TRRAP: variants seen among roughly 807,000 people sequenced by gnomAD.
TRRAP encodes the protein transformation/transcription domain-associated protein.
Under a neutral mutation model 438.8 loss-of-function variants are expected in TRRAP, and 41 were observed. The observed-to-expected ratio is 0.09, with a 90% confidence interval of 0.07 to 0.12. The LOEUF is 0.12. TRRAP is among the 10% of genes least tolerant of loss of function. The pLI is 1.00. For missense variants in TRRAP, 3,122 were observed against 5,055.1 expected, an observed-to-expected ratio of 0.62 and a Z score of 11.60; for synonymous variants, 1,994 against 1,962.9, an observed-to-expected ratio of 1.02 and a Z score of -0.42.
At chr7:98,905,351 A>G (rs1471044757) in intron 12 of TRRAP, among the ~76,000 whole-genome samples, 1 of 152,150 alleles carries the variant, frequency 6.6e-6, no homozygotes, top group Non-Finnish European at 1.5e-5. Context: ...TTTGACCCTC[A>G]ATAGCTACGA....
intron 6 of TRRAP, among the ~76,000 whole-genome samples, chr7:98,895,231 G>C (rs73711446): frequency 0.01 from 1,553 of 152,236 alleles, 28 homozygotes; most frequent in African/African-American, 0.035. Context: ...TGGGTACATA[G>C]TATTCTTTCT....
chr7:98,885,658 G>A (rs1293031746), intron 3 of TRRAP, among the ~76,000 whole-genome samples: 1 of 151,354 alleles, frequency 6.6e-6, no homozygotes, highest in Non-Finnish European at 1.5e-5. Flanking sequence ...GCTAAAACAA[G>A]CTGTTTAAAA....
intron 68 of TRRAP, among the ~76,000 whole-genome samples, 195 bp downstream of exon 68, chr7:99,004,610 G>A (rs376115246): frequency 1.3e-5 from 2 of 152,322 alleles, no homozygotes; most frequent in South Asian, 4.1e-4. Context: ...TAGCTGTCCT[G>A]AGTGCAGTCT....
intron 67 of TRRAP, among the ~76,000 whole-genome samples, chr7:99,000,621 T>C (rs987866589): frequency 6.6e-6 from 1 of 152,230 alleles, no homozygotes; most frequent in Non-Finnish European, 1.5e-5. Context: ...CCAGCCGGCG[T>C]CACTTGGGCA....
intron 30 of TRRAP, among the ~76,000 whole-genome samples, chr7:98,938,684 T>A (rs1554414867): frequency 1.3e-5 from 2 of 152,236 alleles, no homozygotes; most frequent in African/African-American, 4.8e-5. Context: ...ATAATTTATT[T>A]AACCATGGCC....
intron 63 of TRRAP, 135 bp from the exon 64 acceptor site, chr7:98,990,320 T>C: frequency 3.9e-6 from 3 of 775,132 alleles, no homozygotes; most frequent in Non-Finnish European, 6.0e-6. Context: ...GCAATAATGT[T>C]GGCCTGCTTA....
At chr7:98,988,585 G>C (rs551831067) in intron 62 of TRRAP, among the ~76,000 whole-genome samples, 180 bp from the exon 63 acceptor site, 1 of 152,318 alleles carries the variant, frequency 6.6e-6, no homozygotes, top group East Asian at 1.9e-4. Context: ...AAGGCAGACT[G>C]CAGGTTCCCA....
intron 67 of TRRAP, among the ~76,000 whole-genome samples, chr7:98,996,668 T>C (rs1793673638): frequency 6.6e-6 from 1 of 152,224 alleles, no homozygotes; most frequent in South Asian, 2.1e-4. Flanking sequence ...TTATACAAAA[T>C]GTCCTGAATG....
chr7:98,978,121 A>T (rs1396534413), intron 56 of TRRAP, 90 bp from the exon 57 acceptor site: 4 of 1,224,422 alleles, frequency 3.3e-6, no homozygotes, highest in Non-Finnish European at 4.7e-6. Flanking sequence ...ACCTCATCTC[A>T]AAAAACTTAG....
At chr7:98,905,854 A>C (rs755865527) in intron 12 of TRRAP, among the ~76,000 whole-genome samples, 84 of 152,196 alleles carry the variant, frequency 5.5e-4, no homozygotes, top group Non-Finnish European at 9.4e-4. Flanking sequence ...ACAATGTTTA[A>C]GGATGGTGGG....
rs116476433 is a variant in TRRAP, at chr7:98,923,249, T to G, written c.2823+1296T>G. Among the ~76,000 whole-genome samples, 897 of 151,762 alleles carry G rather than the reference T, an allele frequency of 5.9e-3. 13 individuals carry two copies. Among genetic ancestry groups the G allele is most frequent in the African/African-American group, 0.02 (830 of 41,444 alleles). On this transcript the variant is annotated intron_variant, in intron 21 of 72. Coordinates refer to ENST00000456197, the MANE Select transcript of TRRAP (RefSeq NM_001375524.1). ...TCCCCCCACCCCCAAAAAATTCCCT[T>G]TAGAAGTAGTTTTGCCCCAAAGCAG...
intron 19 of TRRAP, among the ~76,000 whole-genome samples, chr7:98,917,183 A>G (rs1361599403): frequency 2.0e-5 from 3 of 152,214 alleles, no homozygotes; most frequent in African/African-American, 4.8e-5. Context: ...ATATAGTACT[A>G]TGATTATAAT....
intron 4 of TRRAP, 91 bp downstream of exon 4, chr7:98,890,536 A>G (rs1380904207): frequency 2.2e-6 from 2 of 891,686 alleles, no homozygotes; most frequent in Non-Finnish European, 3.2e-6. Flanking sequence ...TTCCACTTAA[A>G]AACGAAAGAG....
In TRRAP at chr7:98,948,711, A is replaced by C. The variant is rs1335550757; in HGVS notation, c.4788+26A>C. 3 of 1,613,898 alleles carry C rather than the reference A, an allele frequency of 1.9e-6. No homozygotes were observed. Among genetic ancestry groups the C allele is most frequent in the African/African-American group, 1.3e-5 (1 of 74,940 alleles). ...GTAAGAGCTGTGAGCAGCTGGAGTC[A>C]GGGGTCCCTTCAAATGCTTGTGAGC... is the stretch of plus-strand genomic sequence containing the variant. On this transcript the variant is annotated intron_variant, in intron 35 of 72. Transcript: ENST00000456197. This position sits in a 1 kb window ranked among gnomAD's most constrained non-coding sequence, Gnocchi z 4.9.
In TRRAP at chr7:98,912,275, G is replaced by A. The variant is rs1423564341; in HGVS notation, c.2199+62G>A. 4.5e-6 allele frequency: 7 copies of A among 1,548,702 alleles called. No homozygotes were observed. The East Asian group carries it at 1.4e-4, about 30-fold the overall frequency. On this transcript the variant is annotated intron_variant, in intron 18 of 72. Transcript: ENST00000456197. Reference sequence around the variant, plus strand: ...GGGTTTTTTATTGTTGTTAGAGACAGGGCCTCACGGTGGTGTCCAGGCTGG... The same window carrying A: ...GGGTTTTTTATTGTTGTTAGAGACAAGGCCTCACGGTGGTGTCCAGGCTGG...
chr7:98,978,165 T>C, intron 56 of TRRAP, 46 bp from the exon 57 acceptor site: 1 of 1,474,420 alleles, frequency 6.8e-7, no homozygotes, highest in Non-Finnish European at 9.4e-7. Context: ...AAAGAAAAGG[T>C]GTGTTTCTAG....
chr7:98,975,934 G>A, intron 53 of TRRAP: 2 of 555,412 alleles, frequency 3.6e-6, no homozygotes, highest in South Asian at 3.0e-5. Flanking sequence ...AGCCTCTCGG[G>A]ATGCCTGGGC....
At chr7:98,980,030 TGTTCGA>T (rs1190818093) in intron 58 of TRRAP, among the ~76,000 whole-genome samples, 2 of 152,208 alleles carry the variant, frequency 1.3e-5, no homozygotes, top group Admixed American at 6.5e-5. Flanking sequence ...TCTCAACTAA[TGTTCGA>T]GTCCAGACCC....
At chr7:98,941,670 T>C (rs1222617096) in intron 30 of TRRAP, among the ~76,000 whole-genome samples, 1 of 152,214 alleles carries the variant, frequency 6.6e-6, no homozygotes, top group Non-Finnish European at 1.5e-5. Flanking sequence ...ATTTCTGTTC[T>C]GGTGATTAAT....
Sources: gnomAD v4.1 joint callset for allele counts (sites outside exome capture counted in the v4.1 genomes callset) on GRCh38, gnomAD v4.1.1 for gene constraint, Gnocchi (gnomAD v3.1) non-coding constraint, MANE v1.5 for transcripts, NCBI Gene and HGNC (gene_info 2026-07-23, HGNC 2026-07-21) for gene names.